GMEB1: variants seen among roughly 807,000 people sequenced by gnomAD.
GMEB1 encodes glucocorticoid modulatory element-binding protein 1.
Under a neutral mutation model 52.4 loss-of-function variants are expected in GMEB1, and 6 were observed. That is an observed-to-expected ratio of 0.11 (90% CI 0.06 to 0.23). The LOEUF is 0.23. Ranked by LOEUF, GMEB1 falls within the 10% of genes least tolerant of loss-of-function variation. The pLI, the probability that GMEB1 is intolerant of heterozygous loss-of-function variation, is 1.00. For synonymous variants in GMEB1, 255 were observed against 244.9 expected, an observed-to-expected ratio of 1.04 and a Z score of -0.38; for missense variants, 486 against 685.6, an observed-to-expected ratio of 0.71 and a Z score of 3.25.
At position 28,701,268 on chromosome 1, in the gene GMEB1, C is replaced by CTT. The variant is rs67909525; in HGVS notation, c.599-1154_599-1153dup. On this transcript the variant is annotated intron_variant, in intron 6 of 9. Transcript: ENST00000373816. ...TTGATTCTCTTTGTTTAAAAGCTGT[C>CTT]TTTTTTTTTTTTTTTTTGAGATGAT... Among the ~76,000 whole-genome samples the CTT allele has an allele frequency of 5.7e-4, 63 of 109,832 alleles. 1 individual carries two copies. The highest frequency in any genetic ancestry group is 1.3e-3 in the East Asian group (4 of 3,008). 72.1% of individuals were successfully genotyped at this position (109,832 alleles called of 152,430 possible). A position where few individuals can be genotyped will look rare whatever the true frequency, so the allele number is the denominator to read the frequency against.
At chr1:28,713,388 G>A (rs536858514) in intron 9 of GMEB1, among the ~76,000 whole-genome samples, 1 of 152,262 alleles carries the variant, frequency 6.6e-6, no homozygotes, top group African/African-American at 2.4e-5. Flanking sequence ...ACCTAGGGTT[G>A]GACTGGTCAC....
At chr1:28,703,016 C>CA (rs1399794125) in intron 7 of GMEB1, among the ~76,000 whole-genome samples, 1 of 150,122 alleles carries the variant, frequency 6.7e-6, no homozygotes, top group Admixed American at 6.6e-5. Flanking sequence ...GACTCCATCT[C>CA]AAAAAACAAA....
In GMEB1 at chr1:28,714,791, A is replaced by C. The variant is rs16837669; in HGVS notation, c.*18A>C. The C allele has an allele frequency of 5.2e-3, 7,804 of 1,507,728 alleles. 32 individuals carry two copies. The highest frequency in any genetic ancestry group is 6.1e-3 in the Non-Finnish European group (6,628 of 1,090,182). 93.4% of individuals were successfully genotyped at this position (1,507,728 alleles called of 1,614,324 possible). On this transcript the variant is annotated 3_prime_UTR_variant, in exon 10 of 10. Transcript: ENST00000373816. ...AGGATTAACTGGGGATCTCAGGGCC[A>C]GGAGTTATGTTTTGATTTGGAATTT...
At position 28,710,517 on chromosome 1, in the gene GMEB1, T is replaced by C; in HGVS notation, c.869-3T>C. 4 of 1,595,980 alleles carry C rather than the reference T, an allele frequency of 2.5e-6. No homozygotes were observed. The Middle Eastern group carries it at 5.0e-4, about 200-fold the overall frequency. ...GGACAGGCATGTCTTTTGTTTTAAA[T>C]AGATGCTGCTGTTCTCAACAATGTA... On this transcript the variant is annotated splice_region_variant and splice_polypyrimidine_tract_variant and intron_variant, in intron 8 of 9. Coordinates refer to ENST00000373816, the MANE Select transcript of GMEB1 (RefSeq NM_001319674.2).
At chr1:28,712,796 C>T (rs1239203742) in intron 9 of GMEB1, among the ~76,000 whole-genome samples, 1 of 151,254 alleles carries the variant, frequency 6.6e-6, no homozygotes, top group Non-Finnish European at 1.5e-5. Context: ...AAGATCGCGC[C>T]ATCACACTCC....
chr1:28,690,203 G>GTTTTTTTTTTTTTTTTT lies in GMEB1; in HGVS notation c.211+22_211+38dup, dbSNP rs878890649. The GTTTTTTTTTTTTTTTTT allele has an allele frequency of 1.7e-5, 9 of 516,148 alleles. No individual in the cohort carries two copies. The highest frequency in any genetic ancestry group is 9.4e-5 in the South Asian group (4 of 42,632). The allele number at this position is 516,148 out of a possible 1,614,324, so 32.0% of individuals were successfully genotyped here. A position where few individuals can be genotyped will look rare whatever the true frequency, so the allele number is the denominator to read the frequency against. On this transcript the variant is annotated intron_variant, in intron 3 of 9. Coordinates refer to ENST00000373816, the MANE Select transcript of GMEB1 (RefSeq NM_001319674.2). ...AAGGGATTGGTAAGGGTTTTTTTGT[G>GTTTTTTTTTTTTTTTTT]TTTTTTTTTTTTTTTTTTTTTGTCA...
chr1:28,678,201 AAAGAAAGGAG>A (rs1425418883), intron 1 of GMEB1, among the ~76,000 whole-genome samples: 1 of 152,058 alleles, frequency 6.6e-6, no homozygotes, highest in Non-Finnish European at 1.5e-5. Context: ...AAAAAAAAAA[AAAGAAAGGAG>A]AAGAAAGGAA....
In GMEB1 at chr1:28,692,893, C is replaced by T. The variant is rs768304885; in HGVS notation, c.337-49C>T. ...ATCATTTCATTATTTCCCCTCTTGG[C>T]CTGCCTAAGTTGACATTAGACTCTT... On this transcript the variant is annotated intron_variant, in intron 4 of 9. Coordinates refer to ENST00000373816, the MANE Select transcript of GMEB1 (RefSeq NM_001319674.2). The T allele has an allele frequency of 1.1e-5, 10 of 940,168 alleles. No homozygotes were observed. The Admixed American group carries it at 2.2e-4, about 21-fold the overall frequency. 58.2% of individuals were successfully genotyped at this position (940,168 alleles called of 1,614,324 possible).
chr1:28,688,500 T>C (rs1271026392), intron 2 of GMEB1, among the ~76,000 whole-genome samples: 3 of 152,156 alleles, frequency 2.0e-5, no homozygotes, highest in Admixed American at 2.0e-4. Context: ...ATTGTTGATA[T>C]ATCAAGTTAC....
At chr1:28,670,406 C>T (rs1435188461) in intron 1 of GMEB1, among the ~76,000 whole-genome samples, 1 of 152,178 alleles carries the variant, frequency 6.6e-6, no homozygotes, top group Non-Finnish European at 1.5e-5. Flanking sequence ...CAGCTCACTG[C>T]AACCTCCGCC....
chr1:28,718,672 A>G lies in GMEB1; in HGVS notation c.*3899A>G, dbSNP rs1267493152. The G allele has an allele frequency of 1.3e-5, 2 of 152,164 alleles. No individual in the cohort carries two copies. Among genetic ancestry groups the G allele is most frequent in the Non-Finnish European group, 2.9e-5 (2 of 68,036 alleles). The allele number at this position is 152,164 out of a possible 1,614,324, so 9.4% of individuals were successfully genotyped here. A position where few individuals can be genotyped will look rare whatever the true frequency, so the allele number is the denominator to read the frequency against. On this transcript the variant is annotated 3_prime_UTR_variant, in exon 10 of 10. Transcript: ENST00000373816. ...ATTTTATGTATTTTATGCATTGAAA[A>G]ACATTATTTAAGAATTGGTTCATAG... is the stretch of plus-strand genomic sequence containing the variant.
At chr1:28,708,310 G>A (rs1378751695) in intron 8 of GMEB1, among the ~76,000 whole-genome samples, 1 of 151,780 alleles carries the variant, frequency 6.6e-6, no homozygotes, top group Admixed American at 6.6e-5. Flanking sequence ...TACTACAGGT[G>A]CCTGCCACCA....
intron 1 of GMEB1, among the ~76,000 whole-genome samples, chr1:28,676,405 C>G (rs564036508): frequency 6.6e-6 from 1 of 152,146 alleles, no homozygotes; most frequent in Non-Finnish European, 1.5e-5. Context: ...AACGCAGGCT[C>G]TGTTTCATTC....
At chr1:28,704,632 G>T (rs1670660608) in intron 8 of GMEB1, among the ~76,000 whole-genome samples, 1 of 151,158 alleles carries the variant, frequency 6.6e-6, no homozygotes, top group African/African-American at 2.4e-5. Flanking sequence ...TTGAGACGGA[G>T]TCTCGCTCTA....
intron 1 of GMEB1, among the ~76,000 whole-genome samples, chr1:28,677,253 A>AT (rs910917113): frequency 1.5e-4 from 22 of 149,370 alleles, no homozygotes; most frequent in East Asian, 5.9e-4. Flanking sequence ...ATAATCTGTA[A>AT]TTTTTTTTTT....
chr1:28,671,806 A>T (rs1298386405), intron 1 of GMEB1, among the ~76,000 whole-genome samples: 1 of 152,056 alleles, frequency 6.6e-6, no homozygotes, highest in Non-Finnish European at 1.5e-5. Flanking sequence ...CAAAAGTTAT[A>T]ATAGAGTGTG....
chr1:28,696,032 T>C (rs1040399174), intron 5 of GMEB1, among the ~76,000 whole-genome samples: 1 of 142,144 alleles, frequency 7.0e-6, no homozygotes, highest in Admixed American at 7.7e-5. Flanking sequence ...AAGGAATATC[T>C]TTATTTTTAT....
At position 28,696,948 on chromosome 1, in the gene GMEB1, G is replaced by A; in HGVS notation, c.462G>A (p.Gln154=). Residue 154 remains glutamine (Q), a synonymous_variant, in exon 6 of 10, where the codon CAG becomes CAA. Transcript: ENST00000373816. ...ACAGGAAAATGATGGACTCCGGACA[G>A]ATTGATTTTTACCAACATGACAAAG... The part of the protein sequence containing the change: ...IMLRKMMDSG[Q]IDFYQHDKVC... 6.2e-7 allele frequency: 1 copy of A among 1,611,194 alleles called. No homozygotes were observed. The highest frequency in any genetic ancestry group is 1.1e-5 in the South Asian group (1 of 90,720).
chr1:28,675,854 T>C (rs1669131790), intron 1 of GMEB1, among the ~76,000 whole-genome samples: 1 of 152,128 alleles, frequency 6.6e-6, no homozygotes, highest in Non-Finnish European at 1.5e-5. Flanking sequence ...CCATTTACAC[T>C]CAGCTTAGAG....
Sources: gnomAD v4.1 joint callset for allele counts (sites outside exome capture counted in the v4.1 genomes callset) on GRCh38, gnomAD v4.1.1 for gene constraint, MANE v1.5 for transcripts, NCBI Gene and HGNC (gene_info 2026-07-23, HGNC 2026-07-21) for gene names.